GRAMD1B: variants seen among roughly 807,000 people sequenced by gnomAD.
The protein encoded by GRAMD1B is GRAM domain containing 1B.
In GRAMD1B, 37 loss-of-function variants were observed where a neutral mutation model predicts 99.7. The observed-to-expected ratio is 0.37, with a 90% CI of 0.29 to 0.49. The LOEUF is 0.49. GRAMD1B is among the 20% of genes least tolerant of loss of function. The pLI is 0.98. For synonymous variants in GRAMD1B, 427 were observed against 387.6 expected, an observed-to-expected ratio of 1.10 and a Z score of -1.19; for missense variants, 888 against 1,009.2, an observed-to-expected ratio of 0.88 and a Z score of 1.63.
At position 123,448,209 on chromosome 11, in the gene GRAMD1B, C is replaced by G. The variant is rs117886383; in HGVS notation, c.374+17043C>G. ...TTTCTCCTCCTTTTCCTCCTTTTAC[C>G]CTTTCTCTCGCTCACTCTCTTTCTC... On this transcript the variant is annotated intron_variant, in intron 1 of 19. Transcript: ENST00000635736. Among the ~76,000 whole-genome samples the G allele has an allele frequency of 3.8e-3, 572 of 152,070 alleles. 21 individuals carry two copies. In the East Asian group the frequency reaches 0.094, roughly 25 times the overall value.
chr11:123,499,671 G>T (rs1303774051), intron 2 of GRAMD1B, among the ~76,000 whole-genome samples: 1 of 152,158 alleles, frequency 6.6e-6, no homozygotes, highest in African/African-American at 2.4e-5. Flanking sequence ...CTCTTCCACT[G>T]AGATGTGGAG....
chr11:123,472,152 C>T (rs1951046597), intron 1 of GRAMD1B, among the ~76,000 whole-genome samples: 2 of 150,964 alleles, frequency 1.3e-5, no homozygotes, highest in Middle Eastern at 3.4e-3. Flanking sequence ...AACTTGAACT[C>T]AGGAGGCAGA....
chr11:123,398,017 G>C (rs1392553682), intron 1 of GRAMD1B, among the ~76,000 whole-genome samples: 1 of 151,936 alleles, frequency 6.6e-6, no homozygotes, highest in Non-Finnish European at 1.5e-5. Flanking sequence ...CTAATTCTGG[G>C]CTATTAAAAA....
At chr11:123,508,981 G>GGCCGTGCCTT (rs2135267274) in intron 2 of GRAMD1B, among the ~76,000 whole-genome samples, 1 of 152,254 alleles carries the variant, frequency 6.6e-6, no homozygotes, top group African/African-American at 2.4e-5. Flanking sequence ...CACCGTGCCT[G>GGCCGTGCCTT]GCCGTGCCTT....
chr11:123,494,240 A>C (rs1033398681), intron 2 of GRAMD1B, among the ~76,000 whole-genome samples: 1 of 152,126 alleles, frequency 6.6e-6, no homozygotes, highest in African/African-American at 2.4e-5. Flanking sequence ...GAATTTCGTG[A>C]CTGTAGCCCA....
At chr11:123,618,652 A>G (rs1235135269) in intron 17 of GRAMD1B, 41 bp from the exon 18 acceptor site, 1 of 1,114,724 alleles carries the variant, frequency 9.0e-7, no homozygotes, top group Non-Finnish European at 1.4e-6. Flanking sequence ...CTCAGGTGAC[A>G]TCTCACTGCT....
At chr11:123,589,624 A>ATATATATG (rs1555089221) in intron 4 of GRAMD1B, among the ~76,000 whole-genome samples, 1 of 142,116 alleles carries the variant, frequency 7.0e-6, no homozygotes, top group African/African-American at 2.8e-5. Flanking sequence ...TTATATATAT[A>ATATATATG]TATATATATA....
intron 2 of GRAMD1B, among the ~76,000 whole-genome samples, chr11:123,484,853 C>T (rs1220091514): frequency 6.6e-6 from 1 of 152,186 alleles, no homozygotes; most frequent in Non-Finnish European, 1.5e-5. Context: ...GCACCTAATT[C>T]TTCCTACCCA....
At chr11:123,605,113 G>A (rs2136829361) in intron 9 of GRAMD1B, among the ~76,000 whole-genome samples, 2 of 152,230 alleles carry the variant, frequency 1.3e-5, no homozygotes, top group East Asian at 3.9e-4. Context: ...TTTACATGGG[G>A]GGCAGGGAGG....
At chr11:123,553,865 C>A (rs1005094209) in intron 2 of GRAMD1B, among the ~76,000 whole-genome samples, 1 of 152,108 alleles carries the variant, frequency 6.6e-6, no homozygotes, top group African/African-American at 2.4e-5. Context: ...CCAGTGTATA[C>A]CAACTCGTTT....
chr11:123,565,694 G>A (rs547435199), intron 2 of GRAMD1B, among the ~76,000 whole-genome samples: 97 of 152,284 alleles, frequency 6.4e-4, no homozygotes, highest in African/African-American at 2.1e-3. Flanking sequence ...TGTTGTCAGG[G>A]CCATTGCAGA....
intron 5 of GRAMD1B, among the ~76,000 whole-genome samples, 193 bp downstream of exon 5, chr11:123,594,359 C>T (rs74960781): frequency 0.017 from 2,552 of 152,324 alleles, 76 homozygotes; most frequent in African/African-American, 0.059. Context: ...GCCTCAAGAG[C>T]CCAACCTGGA....
At chr11:123,439,665 C>G (rs1245619816) in intron 1 of GRAMD1B, among the ~76,000 whole-genome samples, 1 of 152,134 alleles carries the variant, frequency 6.6e-6, no homozygotes, top group Non-Finnish European at 1.5e-5. Flanking sequence ...AATGAGATGA[C>G]CAGGCACGTC....
chr11:123,484,970 C>A (rs1951807611), intron 2 of GRAMD1B, among the ~76,000 whole-genome samples: 1 of 152,140 alleles, frequency 6.6e-6, no homozygotes, highest in Non-Finnish European at 1.5e-5. Context: ...GGCCTGTGCT[C>A]CTCGTTCTGG....
rs992026546 is a variant in GRAMD1B at position 123,430,768 on chromosome 11, G to T, written c.-25G>T. The T allele has an allele frequency of 9.2e-6, 6 of 653,648 alleles. No individual in the cohort carries two copies. The highest frequency in any genetic ancestry group is 1.4e-5 in the Non-Finnish European group (5 of 363,902). The allele number at this position is 653,648 out of a possible 1,614,324, so 40.5% of individuals were successfully genotyped here. On this transcript the variant is annotated 5_prime_UTR_variant, in exon 1 of 20. Coordinates refer to ENST00000635736, the MANE Select transcript of GRAMD1B (RefSeq NM_001387025.1). ...ACCAGGCCGCTGGCGGAGGGCTCAGGGGGAGCGCAGAGGCGACGGCCCCCA... is the reference window on the plus strand; with the variant it reads ...ACCAGGCCGCTGGCGGAGGGCTCAGTGGGAGCGCAGAGGCGACGGCCCCCA...
In GRAMD1B at chr11:123,621,913, T is replaced by TTTTC. The variant is rs1555110978; in HGVS notation, c.2545-590_2545-587dup. Among the ~76,000 whole-genome samples the TTTTC allele has an allele frequency of 7.2e-3, 1,009 of 139,310 alleles. 8 individuals are homozygous for TTTTC. The highest frequency in any genetic ancestry group is 0.011 in the Non-Finnish European group (714 of 64,950). The allele number at this position is 139,310 out of a possible 152,430, so 91.4% of individuals were successfully genotyped here. A position where few individuals can be genotyped will look rare whatever the true frequency, so the allele number is the denominator to read the frequency against. ...CTTTCTTTCTTTTTCTCTTTCTTTC[T>TTTTC]TTTCTTCTTCCTTCCTTCCTTCCTT... is the stretch of plus-strand genomic sequence containing the variant. On this transcript the variant is annotated intron_variant, in intron 19 of 19. Transcript: ENST00000635736.
intron 1 of GRAMD1B, among the ~76,000 whole-genome samples, chr11:123,368,679 CAAAAAAAAAA>C (rs58877377): frequency 9.0e-5 from 7 of 78,064 alleles, no homozygotes; most frequent in Admixed American, 5.8e-4. Context: ...GACTCTGTCT[CAAAAAAAAAA>C]AAAAAAAAAA....
chr11:123,566,548 C>T (rs551568201), intron 2 of GRAMD1B, among the ~76,000 whole-genome samples: 126 of 152,216 alleles, frequency 8.3e-4, no homozygotes, highest in Non-Finnish European at 1.5e-3. Context: ...GGGCAGATCA[C>T]GAGGTCAGGA....
chr11:123,472,597 G>A (rs1951071088), intron 1 of GRAMD1B, among the ~76,000 whole-genome samples: 1 of 152,208 alleles, frequency 6.6e-6, no homozygotes, highest in Non-Finnish European at 1.5e-5. Flanking sequence ...GTGAGAGAGA[G>A]GGGCACCCAA....
Sources: allele counts gnomAD v4.1 joint callset (sites outside exome capture counted in the v4.1 genomes callset), GRCh38; gene constraint gnomAD v4.1.1; transcripts MANE v1.5; gene names NCBI Gene and HGNC (gene_info 2026-07-23, HGNC 2026-07-21).